MTHFD1L: variants seen among roughly 807,000 people sequenced by gnomAD.
MTHFD1L encodes the protein monofunctional C1-tetrahydrofolate synthase, mitochondrial.
Under a neutral mutation model 119.5 loss-of-function variants are expected in MTHFD1L, and 81 were observed. The ratio of observed to expected loss-of-function variants is 0.68; its 90% CI spans 0.57 to 0.82. The LOEUF (loss-of-function observed/expected upper bound fraction) is 0.82. MTHFD1L is among the 40% of genes least tolerant of loss of function. The probability of loss-of-function intolerance (pLI) is 0.00; values close to 1 mark genes in which losing one functional copy is unlikely to be tolerated. For synonymous variants in MTHFD1L, 430 were observed against 475.2 expected, an observed-to-expected ratio of 0.90 and a Z score of 1.24; for missense variants, 1,125 against 1,253.4, an observed-to-expected ratio of 0.90 and a Z score of 1.55.
chr6:151,080,239 GTA>G (rs1401618409), intron 26 of MTHFD1L, among the ~76,000 whole-genome samples: 1 of 152,184 alleles, frequency 6.6e-6, no homozygotes, highest in Non-Finnish European at 1.5e-5. Flanking sequence ...AATATACTGT[GTA>G]TGTGCTTATG....
chr6:150,898,567 G>A (rs558418237), intron 7 of MTHFD1L, among the ~76,000 whole-genome samples: 97 of 152,308 alleles, frequency 6.4e-4, no homozygotes, highest in South Asian at 1.5e-3. Context: ...GACGCTGTAT[G>A]GATGAAAGTT....
At chr6:151,038,988 G>C (rs560612727) in intron 26 of MTHFD1L, among the ~76,000 whole-genome samples, 8 of 152,312 alleles carry the variant, frequency 5.3e-5, no homozygotes, top group African/African-American at 1.9e-4. Context: ...TACAGACACA[G>C]TGCTTCAAAG....
intron 26 of MTHFD1L, among the ~76,000 whole-genome samples, chr6:151,059,889 GT>G (rs1275424751): frequency 2.0e-5 from 3 of 152,188 alleles, no homozygotes; most frequent in East Asian, 3.8e-4. Context: ...CTTTCAGTGG[GT>G]TTTGGCTTTG....
chr6:151,037,444 A>G (rs1310750497), intron 26 of MTHFD1L, among the ~76,000 whole-genome samples: 4 of 152,138 alleles, frequency 2.6e-5, no homozygotes, highest in Non-Finnish European at 4.4e-5. Context: ...GTCAACCTTT[A>G]TCACACATAG....
chr6:151,066,077 A>C (rs188658576), intron 26 of MTHFD1L, among the ~76,000 whole-genome samples: 11 of 152,330 alleles, frequency 7.2e-5, no homozygotes, highest in Non-Finnish European at 1.2e-4. Flanking sequence ...CTTCATCAAA[A>C]GTGATCTCCA....
chr6:150,978,126 G>A (rs1475628695), intron 20 of MTHFD1L, among the ~76,000 whole-genome samples: 1 of 151,868 alleles, frequency 6.6e-6, no homozygotes, highest in African/African-American at 2.4e-5. Flanking sequence ...GTCTCGAACT[G>A]ACCTCAGGTG....
rs201080065 is a variant in MTHFD1L, at chr6:151,081,517, A to AT, written c.2848-10950_2848-10949insT. ...AAAATGCAAAAAAAAAAAAAAAAAAAAAAAAATAGCCAGGCATGGTGGCAC... is the reference window on the plus strand; with the variant it reads ...AAAATGCAAAAAAAAAAAAAAAAAAATAAAAAATAGCCAGGCATGGTGGCAC... On this transcript the variant is annotated intron_variant, in intron 26 of 27. Transcript: ENST00000367321. 1.8e-3 allele frequency among the ~76,000 whole-genome samples: 265 copies of AT among 144,988 alleles called. 2 individuals are homozygous for AT. Among genetic ancestry groups the AT allele is most frequent in the African/African-American group, 6.2e-3 (243 of 39,498 alleles).
chr6:150,997,924 G>A (rs1049204541), intron 20 of MTHFD1L, among the ~76,000 whole-genome samples: 4 of 152,170 alleles, frequency 2.6e-5, no homozygotes, highest in African/African-American at 9.7e-5. Flanking sequence ...GAAACCGGTA[G>A]GTCTAGGCAT....
chr6:151,000,051 AG>A (rs1192771932), intron 20 of MTHFD1L, among the ~76,000 whole-genome samples: 1 of 152,138 alleles, frequency 6.6e-6, no homozygotes, highest in African/African-American at 2.4e-5. Context: ...ATTAATATTG[AG>A]GTTTGGGCTG....
chr6:150,875,228 T>G (rs567113788), intron 1 of MTHFD1L, among the ~76,000 whole-genome samples: 11 of 152,064 alleles, frequency 7.2e-5, no homozygotes, highest in African/African-American at 2.7e-4. Flanking sequence ...GCTAAATTGT[T>G]TATAGAGATG....
Position 150,984,571 on chromosome 6 carries a change from G to GAA in MTHFD1L, c.2125+12527_2125+12528dup, listed in dbSNP as rs77899794. Among the ~76,000 whole-genome samples, 25 of 109,326 alleles carry GAA rather than the reference G, an allele frequency of 2.3e-4. 1 individual carries two copies. Among genetic ancestry groups the GAA allele is most frequent in the Non-Finnish European group, 3.5e-4 (17 of 48,122 alleles). 71.7% of individuals were successfully genotyped at this position (109,326 alleles called of 152,430 possible). On this transcript the variant is annotated intron_variant, in intron 20 of 27. Transcript: ENST00000367321. ...CTAAACACAGGAACCAAAAACAAGG[G>GAA]AAAAAAAAAAAAAAAGGAAGATAAA... is the stretch of plus-strand genomic sequence containing the variant.
intron 26 of MTHFD1L, among the ~76,000 whole-genome samples, chr6:151,057,885 T>C (rs1233181847): frequency 6.6e-6 from 1 of 152,092 alleles, no homozygotes; most frequent in African/African-American, 2.4e-5. Context: ...CTCAAGTGAT[T>C]TTCCTGCCTC....
intron 15 of MTHFD1L, among the ~76,000 whole-genome samples, chr6:150,947,620 T>G (rs1020293835): frequency 1.3e-5 from 2 of 151,688 alleles, no homozygotes; most frequent in Non-Finnish European, 2.9e-5. Context: ...TTTTTTTTTC[T>G]CCTCCATAAA....
intron 7 of MTHFD1L, among the ~76,000 whole-genome samples, chr6:150,896,941 A>C (rs561552650): frequency 6.9e-6 from 1 of 144,518 alleles, no homozygotes; most frequent in Middle Eastern, 3.5e-3. Context: ...CCCTGTCTCT[A>C]CTAAAAAAAA....
At chr6:150,945,356 A>T (rs1452964073) in intron 14 of MTHFD1L, 111 bp from the exon 15 acceptor site, 3 of 789,568 alleles carry the variant, frequency 3.8e-6, no homozygotes, top group Non-Finnish European at 6.2e-6. Flanking sequence ...AGGGTCTTTT[A>T]TCTAAATAGT....
chr6:150,925,206 A>G (rs1354338551), intron 10 of MTHFD1L, among the ~76,000 whole-genome samples: 1 of 152,114 alleles, frequency 6.6e-6, no homozygotes, highest in Non-Finnish European at 1.5e-5. Context: ...GGGGTGAGTG[A>G]AGGAATAGCT....
At chr6:150,882,692 T>G in intron 4 of MTHFD1L, 70 bp from the exon 5 acceptor site, 1 of 1,171,088 alleles carries the variant, frequency 8.5e-7, no homozygotes, top group Non-Finnish European at 1.1e-6. Flanking sequence ...ACTTTTTATA[T>G]AAAGCTTCCT....
chr6:150,901,934 T>A (rs1479455808), intron 7 of MTHFD1L, among the ~76,000 whole-genome samples: 1 of 152,186 alleles, frequency 6.6e-6, no homozygotes, highest in Non-Finnish European at 1.5e-5. Flanking sequence ...AGGTCTCAAG[T>A]GATATAAACC....
At chr6:151,002,819 T>A (rs1259134452) in intron 20 of MTHFD1L, among the ~76,000 whole-genome samples, 1 of 152,212 alleles carries the variant, frequency 6.6e-6, no homozygotes, top group African/African-American at 2.4e-5. Context: ...GCCAGGCTCC[T>A]TCCTCCTGCG....
Sources: allele counts gnomAD v4.1 joint callset (sites outside exome capture counted in the v4.1 genomes callset), GRCh38; gene constraint gnomAD v4.1.1; transcripts MANE v1.5; gene names NCBI Gene and HGNC (gene_info 2026-07-23, HGNC 2026-07-21).